CDH4: variants seen among roughly 807,000 people sequenced by gnomAD.
CDH4 encodes the protein cadherin 4, also known as cadherin-4.
CDH4 carries 33 observed loss-of-function variants against 86.0 expected under a neutral mutation model. The observed-to-expected ratio is 0.38, with a 90% CI of 0.29 to 0.51. CDH4 has a LOEUF of 0.51. CDH4 is among the 20% of genes least tolerant of loss of function. The pLI, the probability that CDH4 is intolerant of heterozygous loss-of-function variation, is 0.86. For synonymous variants in CDH4, 555 were observed against 549.4 expected (o/e 1.01, Z -0.14); for missense variants, 1,114 against 1,307.4 (o/e 0.85, Z 2.28).
At chr20:61,293,859 G>A (rs2084336845) in intron 2 of CDH4, among the ~76,000 whole-genome samples, 1 of 152,210 alleles carries the variant, frequency 6.6e-6, no homozygotes, top group African/African-American at 2.4e-5. Context: ...ATCCTGGGGT[G>A]GGAGGTGGTT....
intron 2 of CDH4, among the ~76,000 whole-genome samples, chr20:61,301,585 A>C (rs1253569283): frequency 6.6e-6 from 1 of 152,214 alleles, no homozygotes; most frequent in African/African-American, 2.4e-5. Flanking sequence ...CTCAGCTTTA[A>C]AAATAGGTTT....
chr20:61,575,189 G>T (rs143037140), intron 2 of CDH4, among the ~76,000 whole-genome samples: 1 of 152,156 alleles, frequency 6.6e-6, no homozygotes, highest in Non-Finnish European at 1.5e-5. Flanking sequence ...CATTACCAGG[G>T]CCTAGTTTCT....
intron 6 of CDH4, 100 bp from the exon 7 acceptor site, chr20:61,873,628 C>A: frequency 7.6e-7 from 1 of 1,319,006 alleles, no homozygotes; most frequent in Non-Finnish European, 1.1e-6. Context: ...ACGCCAGACT[C>A]ACGGAGAGCT....
intron 2 of CDH4, among the ~76,000 whole-genome samples, chr20:61,586,225 C>G (rs2086473754): frequency 6.6e-6 from 1 of 150,792 alleles, no homozygotes; most frequent in Non-Finnish European, 1.5e-5. Flanking sequence ...TGATATTAAT[C>G]ATGATCATGG....
At chr20:61,481,905 T>A (rs1487378826) in intron 2 of CDH4, among the ~76,000 whole-genome samples, 1 of 152,258 alleles carries the variant, frequency 6.6e-6, no homozygotes, top group Non-Finnish European at 1.5e-5. Flanking sequence ...TGTTTTTCAG[T>A]TCCATACATA....
At chr20:61,433,826 C>G (rs973420468) in intron 2 of CDH4, among the ~76,000 whole-genome samples, 1 of 152,176 alleles carries the variant, frequency 6.6e-6, no homozygotes, top group African/African-American at 2.4e-5. Flanking sequence ...GTGATGTAGA[C>G]TCCTTAACCT....
At chr20:61,323,693 C>G (rs759230717) in intron 2 of CDH4, among the ~76,000 whole-genome samples, 9 of 152,238 alleles carry the variant, frequency 5.9e-5, no homozygotes, top group African/African-American at 1.7e-4. Flanking sequence ...GCTTGGGTTT[C>G]TAGGTTGGGG....
At chr20:61,850,016 A>G (rs1245290360) in intron 5 of CDH4, among the ~76,000 whole-genome samples, 1 of 152,212 alleles carries the variant, frequency 6.6e-6, no homozygotes, top group Non-Finnish European at 1.5e-5. Context: ...ACGCATCCCC[A>G]GCCTGAGTAC....
At chr20:61,584,964 G>A (rs896940879) in intron 2 of CDH4, among the ~76,000 whole-genome samples, 3 of 152,200 alleles carry the variant, frequency 2.0e-5, no homozygotes, top group Non-Finnish European at 2.9e-5. Context: ...GAAAGCCATC[G>A]CCGATGTGAG....
chr20:61,774,989 C>T (rs1056896954), intron 4 of CDH4, among the ~76,000 whole-genome samples: 9 of 152,140 alleles, frequency 5.9e-5, no homozygotes, highest in African/African-American at 1.9e-4. Context: ...TGACCATACA[C>T]GTGCATGTGT....
At chr20:61,669,807 T>G (rs1393680032) in intron 2 of CDH4, among the ~76,000 whole-genome samples, 1 of 152,190 alleles carries the variant, frequency 6.6e-6, no homozygotes, top group African/African-American at 2.4e-5. Flanking sequence ...GAGAGACTGA[T>G]CCAGGATGGG....
chr20:61,574,345 G>A (rs528105075), intron 2 of CDH4, among the ~76,000 whole-genome samples: 2 of 152,260 alleles, frequency 1.3e-5, no homozygotes, highest in Non-Finnish European at 2.9e-5. Flanking sequence ...CGTGGGCCCC[G>A]TGTGCAACGT....
At chr20:61,537,003 C>T (rs189831744) in intron 2 of CDH4, among the ~76,000 whole-genome samples, 1 of 152,276 alleles carries the variant, frequency 6.6e-6, no homozygotes, top group Admixed American at 6.5e-5. Flanking sequence ...AACGAATGAC[C>T]AAGTGGACAA....
rs755256769 is a variant in CDH4, at chr20:61,910,498, A to T, written c.1265A>T (p.His422Leu). The change falls in exon 9 of 16, where the codon CAC (histidine) becomes CTC (leucine). Residue 422 changes from histidine (H) to leucine (L), a missense_variant. Physicochemically the swap from His to Leu is moderately conservative, Grantham distance 99. Around this residue, in one of 3 missense-constraint regions of CDH4, gnomAD observed 705 missense variants for 914.1 expected, o/e 0.77. Transcript: ENST00000614565. ...ACGGTGATGGACCGAGATCAGCCCC[A>T]CTCTCCAAACTGGAATGCCGTTTAC... ...NLTVMDRDQP[H>L]SPNWNAVYRI... The T allele has an allele frequency of 6.2e-7, 1 of 1,613,812 alleles. No individual in the cohort carries two copies. The highest frequency in any genetic ancestry group is 1.1e-5 in the South Asian group (1 of 91,072).
intron 2 of CDH4, among the ~76,000 whole-genome samples, chr20:61,641,010 C>T (rs1165899922): frequency 6.6e-6 from 1 of 152,132 alleles, no homozygotes; most frequent in Non-Finnish European, 1.5e-5. Flanking sequence ...GTTTGCTGCA[C>T]GTGGCTGGGC....
chr20:61,371,855 TG>T (rs1446694976), intron 2 of CDH4, among the ~76,000 whole-genome samples: 1 of 152,216 alleles, frequency 6.6e-6, no homozygotes, highest in East Asian at 1.9e-4. Flanking sequence ...CCTGCGGTGA[TG>T]TAAACCCCCA....
At chr20:61,915,211 G>A (rs542079237) in intron 9 of CDH4, among the ~76,000 whole-genome samples, 10 of 152,352 alleles carry the variant, frequency 6.6e-5, no homozygotes, top group South Asian at 2.1e-4. Context: ...TCTGTTAACC[G>A]TCCAGGTTCC....
chr20:61,268,440 C>G (rs956770078), intron 2 of CDH4, among the ~76,000 whole-genome samples: 3 of 152,242 alleles, frequency 2.0e-5, no homozygotes, highest in African/African-American at 4.8e-5. Flanking sequence ...TTCCTGATGC[C>G]GGGTTGGCTT....
chr20:61,619,057 A>G (rs1426987181), intron 2 of CDH4, among the ~76,000 whole-genome samples: 1 of 152,182 alleles, frequency 6.6e-6, no homozygotes, highest in African/African-American at 2.4e-5. Flanking sequence ...GCCCCTGCCC[A>G]GTGATAGTGA....
Sources: allele counts gnomAD v4.1 joint callset (sites outside exome capture counted in the v4.1 genomes callset), GRCh38; gene constraint gnomAD v4.1.1; regional missense constraint gnomAD v4.1.1; transcripts MANE v1.5; gene names NCBI Gene and HGNC (gene_info 2026-07-23, HGNC 2026-07-21).